The following EPC1 variants were observed in gnomAD, a reference collection of about 807,000 sequenced individuals.
EPC1 encodes enhancer of polycomb homolog 1.
A neutral mutation model predicts 98.4 loss-of-function variants in EPC1; 12 were observed. The ratio of observed to expected loss-of-function variants is 0.12; its 90% CI spans 0.08 to 0.20. The LOEUF (loss-of-function observed/expected upper bound fraction) is 0.20. Ranked by LOEUF, EPC1 falls within the 10% of genes least tolerant of loss-of-function variation. The pLI is 1.00. For synonymous variants in EPC1, 357 were observed against 363.9 expected (o/e 0.98, Z 0.21); for missense variants, 729 against 990.5 (o/e 0.74, Z 3.54).
At chr10:32,363,714 T>C (rs753411612) in intron 1 of EPC1, among the ~76,000 whole-genome samples, 1 of 152,184 alleles carries the variant, frequency 6.6e-6, no homozygotes, top group Non-Finnish European at 1.5e-5. Flanking sequence ...GGGGACACTA[T>C]TGTGTGTATT....
intron 1 of EPC1, among the ~76,000 whole-genome samples, chr10:32,311,943 G>C (rs1228879142): frequency 6.6e-6 from 1 of 152,114 alleles, no homozygotes; most frequent in African/African-American, 2.4e-5. Flanking sequence ...AATTTAAAAC[G>C]TTTTTAAAAA....
intron 2 of EPC1, among the ~76,000 whole-genome samples, chr10:32,297,260 G>C (rs1431436290): frequency 1.3e-5 from 2 of 150,610 alleles, no homozygotes; most frequent in Non-Finnish European, 2.9e-5. Context: ...CAATTAAATT[G>C]AGACCTAGCA....
intron 10 of EPC1, among the ~76,000 whole-genome samples, chr10:32,278,341 C>A (rs570013132): frequency 2.0e-5 from 3 of 151,646 alleles, no homozygotes; most frequent in Non-Finnish European, 2.9e-5. Context: ...AGCACCTAGC[C>A]CCTCAAAATG....
chr10:32,291,287 G>C lies in EPC1; in HGVS notation c.851C>G (p.Ser284Cys), dbSNP rs1834833442. 3.1e-6 allele frequency: 5 copies of C among 1,613,666 alleles called. No individual in the cohort carries two copies. In the South Asian group the frequency reaches 4.4e-5, roughly 14 times the overall value. The stretch of plus-strand genomic sequence containing the variant: ...TGGCTGTCTCTGTGCCATAACCTCA[G>C]ACATGATCTCTCCATTGTAGTCGCC... ...NLGDYNGEIM[S>C]EVMAQRQPMK... The change falls in exon 6 of 14, where the codon TCT (serine) becomes TGT (cysteine). Residue 284 changes from serine (S) to cysteine (C), a missense_variant. Ser to Cys is a moderately radical substitution (Grantham distance 112). Around this residue, in one of 6 missense-constraint regions of EPC1, gnomAD observed 390 missense variants for 438.6 expected, o/e 0.89. Transcript: ENST00000319778.
rs761820723 is a variant in EPC1 at position 32,271,921 on chromosome 10, G to A, written c.2006-4C>T. 32 of 1,607,222 alleles carry A rather than the reference G, an allele frequency of 2.0e-5. No individual in the cohort carries two copies. The highest frequency in any genetic ancestry group is 2.5e-5 in the Non-Finnish European group (30 of 1,177,070). On this transcript the variant is annotated splice_polypyrimidine_tract_variant and splice_region_variant and intron_variant, in intron 12 of 13. Transcript: ENST00000319778. ...AGGTGTAAGCCCTTGTATACTCCTA[G>A]AGAGAAAAAGAAAGAAACATCTAAA...
intron 10 of EPC1, among the ~76,000 whole-genome samples, chr10:32,280,710 C>T (rs1252862689): frequency 1.3e-5 from 2 of 152,044 alleles, no homozygotes; most frequent in Non-Finnish European, 2.9e-5. Context: ...TGCACTCCAG[C>T]CTGGGAGACA....
chr10:32,291,047 G>T, intron 6 of EPC1, 116 bp downstream of exon 6: 1 of 929,448 alleles, frequency 1.1e-6, no homozygotes, highest in Non-Finnish European at 1.6e-6. Context: ...GAAGTGCTGG[G>T]ATTACAGGCG....
chr10:32,301,371 T>C (rs1038540894), intron 2 of EPC1, among the ~76,000 whole-genome samples: 14 of 152,228 alleles, frequency 9.2e-5, no homozygotes, highest in African/African-American at 3.4e-4. Flanking sequence ...AATTGACCTA[T>C]AGACTTAAGG....
chr10:32,309,280 T>C (rs949381417), intron 1 of EPC1, among the ~76,000 whole-genome samples: 4 of 152,078 alleles, frequency 2.6e-5, no homozygotes, highest in South Asian at 2.1e-4. Context: ...AAGAGTAGAA[T>C]TGGAAAGTTC....
At chr10:32,297,748 AAAGT>A (rs1315303160) in intron 2 of EPC1, among the ~76,000 whole-genome samples, 1 of 152,228 alleles carries the variant, frequency 6.6e-6, no homozygotes, top group African/African-American at 2.4e-5. Context: ...ATGTAGACAT[AAAGT>A]AAGCCTAAGT....
At chr10:32,346,629 C>A in intron 1 of EPC1, 134 bp downstream of exon 1, 1 of 926,474 alleles carries the variant, frequency 1.1e-6, no homozygotes, top group Non-Finnish European at 1.6e-6. Flanking sequence ...GGGGTATAGG[C>A]CCGGCCGGCG....
chr10:32,357,830 G>A (rs1393290843), intron 1 of EPC1, among the ~76,000 whole-genome samples: 1 of 139,598 alleles, frequency 7.2e-6, no homozygotes, highest in Non-Finnish European at 1.6e-5. Context: ...AGTTTATTCT[G>A]TTTTGTGGCC....
intron 1 of EPC1, among the ~76,000 whole-genome samples, chr10:32,339,507 T>C (rs921755483): frequency 6.6e-6 from 1 of 152,182 alleles, no homozygotes; most frequent in Non-Finnish European, 1.5e-5. Context: ...ATCATGCCAC[T>C]GCACTCCAGC....
At chr10:32,366,057 C>T (rs1193562220) in intron 1 of EPC1, among the ~76,000 whole-genome samples, 2 of 151,808 alleles carry the variant, frequency 1.3e-5, no homozygotes, top group African/African-American at 2.4e-5. Flanking sequence ...CGCTTGAACC[C>T]GGGAAGAGGA....
chr10:32,363,672 G>GAT (rs9299686), intron 1 of EPC1, among the ~76,000 whole-genome samples: 79,981 of 151,888 alleles, frequency 0.53, 23,295 homozygotes, highest in East Asian at 0.69. Flanking sequence ...GCACACACAT[G>GAT]TATATATACG....
intron 1 of EPC1, among the ~76,000 whole-genome samples, chr10:32,314,433 G>T (rs1437981353): frequency 6.6e-6 from 1 of 152,206 alleles, no homozygotes; most frequent in Non-Finnish European, 1.5e-5. Context: ...CAATAGAAGA[G>T]TGCCAGGTTT....
intron 1 of EPC1, among the ~76,000 whole-genome samples, chr10:32,321,425 G>A (rs1041023985): frequency 1.3e-5 from 2 of 151,862 alleles, no homozygotes; most frequent in Non-Finnish European, 2.9e-5. Flanking sequence ...AGCACAAACG[G>A]CACTTTACAG....
chr10:32,345,336 CT>C, intron 1 of EPC1: 1 of 985,414 alleles, frequency 1.0e-6, no homozygotes, highest in Non-Finnish European at 1.2e-6. Context: ...TAACATTTCA[CT>C]GTCACAGCTA....
chr10:32,269,210 A>G, intron 13 of EPC1, 75 bp from the exon 14 acceptor site: 1 of 1,311,822 alleles, frequency 7.6e-7, no homozygotes, highest in South Asian at 1.3e-5. Context: ...CTTCCCAACA[A>G]AAAGTTTATT....
Sources: gnomAD v4.1 joint callset for allele counts (sites outside exome capture counted in the v4.1 genomes callset) on GRCh38, gnomAD v4.1.1 for gene constraint, gnomAD v4.1.1 regional missense constraint, MANE v1.5 for transcripts, NCBI Gene and HGNC (gene_info 2026-07-23, HGNC 2026-07-21) for gene names.